Variants in COPA observed in about 807,000 individuals in gnomAD.
COPA encodes coat protein complex I subunit alpha.
COPA carries 10 observed loss-of-function variants against 158.7 expected under a neutral mutation model. That is an observed-to-expected ratio of 0.06 (90% CI 0.04 to 0.11). The LOEUF is 0.11. COPA is among the 10% of genes least tolerant of loss of function. COPA has a pLI of 1.00. For synonymous variants in COPA, 462 were observed against 542.8 expected (o/e 0.85, Z 2.07); for missense variants, 1,065 against 1,536.7 (o/e 0.69, Z 5.13).
chr1:160,332,009 C>T (rs982973493), intron 6 of COPA, among the ~76,000 whole-genome samples: 1 of 151,978 alleles, frequency 6.6e-6, no homozygotes, highest in African/African-American at 2.4e-5. Flanking sequence ...CAACCATGCT[C>T]CCCGCACTAG....
intron 8 of COPA, among the ~76,000 whole-genome samples, chr1:160,319,719 G>GA (rs1294658678): frequency 6.6e-6 from 1 of 151,470 alleles, no homozygotes; most frequent in Non-Finnish European, 1.5e-5. Context: ...TCAATAACAA[G>GA]AGGAACCTCA....
rs148836920 is a variant in COPA, at chr1:160,314,474, T to C, written c.707-349A>G. Among the ~76,000 whole-genome samples the C allele has an allele frequency of 4.9e-3, 749 of 152,084 alleles. 11 individuals are homozygous for C. The highest frequency in any genetic ancestry group is 0.017 in the African/African-American group (712 of 41,494). ...TAAAAAACCCCATCTCTACAAAAAA[T>C]ACAAAAATTAACTGGGTGTTGTGGC... On this transcript the variant is annotated intron_variant, in intron 8 of 32. Transcript: ENST00000241704.
At chr1:160,322,840 T>A (rs1305592829) in intron 8 of COPA, among the ~76,000 whole-genome samples, 1 of 152,186 alleles carries the variant, frequency 6.6e-6, no homozygotes, top group East Asian at 1.9e-4. Flanking sequence ...CACTACTGGC[T>A]ATATATCCAA....
intron 6 of COPA, among the ~76,000 whole-genome samples, chr1:160,332,202 G>C (rs1027785686): frequency 6.6e-6 from 1 of 152,138 alleles, no homozygotes; most frequent in African/African-American, 2.4e-5. Flanking sequence ...AACAAAAGCT[G>C]ATGTAACTAG....
intron 14 of COPA, 88 bp from the exon 15 acceptor site, chr1:160,306,581 T>C (rs1439572987): frequency 2.0e-6 from 3 of 1,513,424 alleles, no homozygotes; most frequent in Non-Finnish European, 9.1e-7. Context: ...AATTGTTCCT[T>C]AGCTTCAATT....
Position 160,305,716 on chromosome 1 carries a change from C to T in COPA, c.1500G>A (p.Met500Ile), listed in dbSNP as rs753713949. The T allele has an allele frequency of 6.2e-7, 1 of 1,614,178 alleles. No individual in the cohort carries two copies. Among genetic ancestry groups the T allele is most frequent in the Admixed American group, 1.7e-5 (1 of 60,024 alleles). ...GTTTGGCTAGTAGTGCTACATGTGA[C>T]ATGTCTGCTGACCAGATAACGTATT... ...KVKYVIWSAD[M>I]SHVALLAKHA... Residue 500 changes from methionine to isoleucine, a missense_variant, in exon 16 of 33, where the codon ATG becomes ATA. Physicochemically the swap from Met to Ile is conservative, Grantham distance 10. Coordinates refer to ENST00000241704, the MANE Select transcript of COPA (RefSeq NM_004371.4).
chr1:160,302,699 C>T (rs1460804498), intron 17 of COPA, among the ~76,000 whole-genome samples: 1 of 151,778 alleles, frequency 6.6e-6, no homozygotes, highest in Non-Finnish European at 1.5e-5. Context: ...GGACTACAGG[C>T]GCCCACCACC....
intron 6 of COPA, among the ~76,000 whole-genome samples, chr1:160,327,035 T>A (rs1031191923): frequency 2.0e-5 from 3 of 152,212 alleles, no homozygotes; most frequent in Non-Finnish European, 4.4e-5. Context: ...GAGAGTATGT[T>A]ATGTAACTGG....
At chr1:160,309,222 A>G (rs1249691027) in intron 12 of COPA, 46 bp from the exon 13 acceptor site, 2 of 1,421,952 alleles carry the variant, frequency 1.4e-6, no homozygotes, top group Admixed American at 3.4e-5. Context: ...GAAGCACCCA[A>G]GATACCAGTT....
intron 7 of COPA, among the ~76,000 whole-genome samples, chr1:160,323,882 G>C (rs1659409193): frequency 6.6e-6 from 1 of 151,630 alleles, no homozygotes; most frequent in Admixed American, 6.6e-5. Context: ...ATTGTTTTTA[G>C]ACGGAGTCTC....
rs941044586 is a variant in COPA at position 160,288,973 on chromosome 1, T to A, written c.*1184A>T. 6.6e-6 allele frequency among the ~76,000 whole-genome samples: 1 copy of A among 151,496 alleles called. No homozygotes were observed. Among genetic ancestry groups the A allele is most frequent in the African/African-American group, 2.5e-5 (1 of 40,792 alleles). On this transcript the variant is annotated 3_prime_UTR_variant, in exon 33 of 33. Coordinates refer to ENST00000241704, the MANE Select transcript of COPA (RefSeq NM_004371.4). ...CTATGAAAAACATGTGCTTCTTTTTTTCTTTCTTTTTTTTTGAGATGGAGT... is the reference window on the plus strand; with the variant it reads ...CTATGAAAAACATGTGCTTCTTTTTATCTTTCTTTTTTTTTGAGATGGAGT...
intron 7 of COPA, among the ~76,000 whole-genome samples, chr1:160,324,152 C>T (rs1461866906): frequency 1.3e-5 from 2 of 152,078 alleles, no homozygotes; most frequent in Admixed American, 6.5e-5. Flanking sequence ...TGAGCCACTG[C>T]GCCCGCCCGA....
chr1:160,334,725 T>C (rs1490487350), intron 4 of COPA, among the ~76,000 whole-genome samples: 1 of 152,192 alleles, frequency 6.6e-6, no homozygotes, highest in African/African-American at 2.4e-5. Context: ...GAGTCTGTAA[T>C]CTGCACCTCA....
Position 160,291,917 on chromosome 1 carries a change from T to C in COPA, c.3160A>G (p.Ile1054Val). 2 of 1,614,154 alleles carry C rather than the reference T, an allele frequency of 1.2e-6. No homozygotes were observed. Among genetic ancestry groups the C allele is most frequent in the Non-Finnish European group, 1.7e-6 (2 of 1,180,030 alleles). ...ACAATGTACTCACGGCAAATGGTGATGAGCTGCTGGGCCTGTAGAGGGGGC... is the reference window on the plus strand; with the variant it reads ...ACAATGTACTCACGGCAAATGGTGACGAGCTGCTGGGCCTGTAGAGGGGGC... The part of the protein sequence containing the change: ...KQEIAEAQQL[I>V]TICREYIVGL... The change falls in exon 30 of 33, where the codon ATC (isoleucine) becomes GTC (valine). Residue 1054 changes from isoleucine (I) to valine (V), a missense_variant. Ile to Val is a conservative substitution (Grantham distance 29, BLOSUM62 3). Transcript: ENST00000241704.
At chr1:160,321,336 T>C (rs1571172512) in intron 8 of COPA, among the ~76,000 whole-genome samples, 1 of 152,176 alleles carries the variant, frequency 6.6e-6, no homozygotes, top group East Asian at 1.9e-4. Flanking sequence ...CTAGAAGTCC[T>C]GGCCAGGTCA....
At chr1:160,330,775 T>C (rs1489179704) in intron 6 of COPA, among the ~76,000 whole-genome samples, 3 of 152,136 alleles carry the variant, frequency 2.0e-5, no homozygotes, top group Admixed American at 6.5e-5. Context: ...CAAACAAAGA[T>C]CTATGAGGGG....
chr1:160,338,984 G>C (rs1031402488), intron 3 of COPA, among the ~76,000 whole-genome samples: 8 of 152,106 alleles, frequency 5.3e-5, no homozygotes, highest in Non-Finnish European at 1.0e-4. Flanking sequence ...AATCACCAGA[G>C]ACAAGATGGA....
intron 19 of COPA, among the ~76,000 whole-genome samples, chr1:160,298,380 G>C (rs1277218494): frequency 1.3e-5 from 2 of 152,154 alleles, no homozygotes; most frequent in African/African-American, 4.8e-5. Context: ...CAGGTTTGAA[G>C]ATCCACAGGG....
At chr1:160,316,327 C>T (rs1488876120) in intron 8 of COPA, among the ~76,000 whole-genome samples, 1 of 150,774 alleles carries the variant, frequency 6.6e-6, no homozygotes, top group East Asian at 2.0e-4. Context: ...CATTGCACTC[C>T]AGCCTGGGTG....
Sources: allele counts gnomAD v4.1 joint callset (sites outside exome capture counted in the v4.1 genomes callset), GRCh38; gene constraint gnomAD v4.1.1; transcripts MANE v1.5; gene names NCBI Gene and HGNC (gene_info 2026-07-23, HGNC 2026-07-21).